Variants in MAML1 observed in about 807,000 individuals in gnomAD.
MAML1 encodes mastermind like transcriptional coactivator 1.
In MAML1, 14 loss-of-function variants were observed where a neutral mutation model predicts 77.1. The ratio of observed to expected loss-of-function variants is 0.18; its 90% CI spans 0.12 to 0.28. The LOEUF is 0.28. Ranked by LOEUF, MAML1 falls within the 10% of genes least tolerant of loss-of-function variation. The pLI is 1.00. For synonymous variants in MAML1, 516 were observed against 551.9 expected (o/e 0.93, Z 0.91); for missense variants, 1,217 against 1,327.8 (o/e 0.92, Z 1.30).
chr5:179,772,663 G>T (rs1756028378), intron 4 of MAML1, among the ~76,000 whole-genome samples: 1 of 152,138 alleles, frequency 6.6e-6, no homozygotes. Flanking sequence ...TGAAGATCTG[G>T]TAATTTCCTG....
rs979409818 is a variant in MAML1 at position 179,776,008 on chromosome 5, T to C, written c.*1131T>C. 30 of 985,718 alleles carry C rather than the reference T, an allele frequency of 3.0e-5. No individual in the cohort carries two copies. The highest frequency in any genetic ancestry group is 3.5e-5 in the Non-Finnish European group (29 of 829,950). 61.1% of individuals were successfully genotyped at this position (985,718 alleles called of 1,614,324 possible). ...TCCCATGTCAGATGACTTGCACTTC[T>C]TAAAGAGATTGCTTTATAACACTAA... On this transcript the variant is annotated 3_prime_UTR_variant, in exon 5 of 5. Coordinates refer to ENST00000292599, the MANE Select transcript of MAML1 (RefSeq NM_014757.5).
At chr5:179,752,412 TACTG>T (rs1779512743) in intron 1 of MAML1, among the ~76,000 whole-genome samples, 2 of 142,306 alleles carry the variant, frequency 1.4e-5, no homozygotes, top group Non-Finnish European at 3.0e-5. Flanking sequence ...TCTCAAAAAA[TACTG>T]ATTATATGTT....
At chr5:179,772,284 C>A (rs947509932) in intron 4 of MAML1, among the ~76,000 whole-genome samples, 1 of 151,960 alleles carries the variant, frequency 6.6e-6, no homozygotes, top group African/African-American at 2.4e-5. Flanking sequence ...ACGCCCGGCT[C>A]ATTTTTGTAT....
rs561063745 is a variant in MAML1 at position 179,750,931 on chromosome 5, G to A, written c.316-14395G>A. 1.3e-3 allele frequency among the ~76,000 whole-genome samples: 199 copies of A among 152,186 alleles called. 2 individuals carry two copies. The highest frequency in any genetic ancestry group is 4.5e-3 in the African/African-American group (186 of 41,550). On this transcript the variant is annotated intron_variant, in intron 1 of 4. Transcript: ENST00000292599. ...CTGCTGGGCCCAGGCGGCAGGTCCC[G>A]GGGGCTTCCCTTATCTTCAGTGCTG...
At chr5:179,734,784 C>G (rs892160675) in intron 1 of MAML1, among the ~76,000 whole-genome samples, 1 of 152,172 alleles carries the variant, frequency 6.6e-6, no homozygotes, top group Non-Finnish European at 1.5e-5. Context: ...CCTCAGCCTC[C>G]TGAGTAACTG....
At position 179,777,042 on chromosome 5, in the gene MAML1, A is replaced by G. The variant is rs1756149329; in HGVS notation, c.*2165A>G. 2.0e-6 allele frequency: 2 copies of G among 983,522 alleles called. No individual in the cohort carries two copies. The highest frequency in any genetic ancestry group is 1.2e-6 in the Non-Finnish European group (1 of 827,772). 60.9% of individuals were successfully genotyped at this position (983,522 alleles called of 1,614,324 possible). A position where few individuals can be genotyped will look rare whatever the true frequency, so the allele number is the denominator to read the frequency against. ...AATAAGCGCTAGAGCTTCCAACTGTATATTTTTTACTTTTATAGATTTTAA... is the reference window on the plus strand; with the variant it reads ...AATAAGCGCTAGAGCTTCCAACTGTGTATTTTTTACTTTTATAGATTTTAA... On this transcript the variant is annotated 3_prime_UTR_variant, in exon 5 of 5. Transcript: ENST00000292599.
At position 179,774,623 on chromosome 5, in the gene MAML1, C is replaced by G; in HGVS notation, c.2797C>G (p.Pro933Ala). Residue 933 changes from proline (P) to alanine (A), a missense_variant, in exon 5 of 5, where the codon CCA becomes GCA. This residue lies in a region of MAML1 where 884 missense variants were observed against 949.3 expected (regional missense o/e 0.93). Coordinates refer to ENST00000292599, the MANE Select transcript of MAML1 (RefSeq NM_014757.5). ...TCAGCAGGGCTTGCCTGGCCTGAGC[C>G]CAGCAGGGCCTGAGCTGGGGGCCTT... ...APQQGLPGLS[P>A]AGPELGAFSQ... 6.2e-7 allele frequency: 1 copy of G among 1,611,860 alleles called. No individual in the cohort carries two copies. The highest frequency in any genetic ancestry group is 8.5e-7 in the Non-Finnish European group (1 of 1,179,594).
At chr5:179,768,272 C>T (rs1430649177) in intron 2 of MAML1, among the ~76,000 whole-genome samples, 1 of 152,064 alleles carries the variant, frequency 6.6e-6, no homozygotes, top group African/African-American at 2.4e-5. Flanking sequence ...GCGTGACCAA[C>T]ATGGAGAAAC....
chr5:179,744,322 A>C (rs968361349), intron 1 of MAML1, among the ~76,000 whole-genome samples: 1 of 151,708 alleles, frequency 6.6e-6, no homozygotes. Flanking sequence ...AGTAGCTGGG[A>C]TTACAGGCAC....
At chr5:179,755,888 C>A (rs1271206418) in intron 1 of MAML1, among the ~76,000 whole-genome samples, 1 of 151,746 alleles carries the variant, frequency 6.6e-6, no homozygotes, top group Non-Finnish European at 1.5e-5. Flanking sequence ...CTTCAGCCTC[C>A]CGAGTAGCTG....
In MAML1 at chr5:179,752,342, A is replaced by ATATATATATAT. The variant is rs1351079259; in HGVS notation, c.316-12984_316-12983insTATATATATAT. 4.2e-3 allele frequency among the ~76,000 whole-genome samples: 360 copies of ATATATATATAT among 86,450 alleles called. 9 individuals are homozygous for ATATATATATAT. Among genetic ancestry groups the ATATATATATAT allele is most frequent in the East Asian group, 0.034 (99 of 2,932 alleles). 56.7% of individuals were successfully genotyped at this position (86,450 alleles called of 152,430 possible). On this transcript the variant is annotated intron_variant, in intron 1 of 4. Coordinates refer to ENST00000292599, the MANE Select transcript of MAML1 (RefSeq NM_014757.5). ...TCTGTCTCCAAAAAAAAAAAAAAAA[A>ATATATATATAT]AAAAAAAAATATATATATATATATG...
chr5:179,762,671 T>C (rs1469956869), intron 1 of MAML1, among the ~76,000 whole-genome samples: 1 of 152,266 alleles, frequency 6.6e-6, no homozygotes, highest in African/African-American at 2.4e-5. Context: ...CTTCTGTGTC[T>C]GTTCTTACAT....
rs534973733 is a variant in MAML1 at position 179,733,005 on chromosome 5, A to G, written c.-108A>G. On this transcript the variant is annotated 5_prime_UTR_variant, in exon 1 of 5. The change abolishes an upstream ATG in the 5' untranslated region. Transcript: ENST00000292599. Reference sequence around the variant, plus strand: ...AGCCCGCTCCGCTGCCCTCGGGGGCATGGCGCGGCCGTGAGGCGGAGAGGG... The same window carrying G: ...AGCCCGCTCCGCTGCCCTCGGGGGCGTGGCGCGGCCGTGAGGCGGAGAGGG... 4.8e-6 allele frequency: 3 copies of G among 626,446 alleles called. No individual in the cohort carries two copies. The highest frequency in any genetic ancestry group is 2.0e-5 in the African/African-American group (1 of 51,034). 38.8% of individuals were successfully genotyped at this position (626,446 alleles called of 1,614,324 possible).
At chr5:179,757,726 G>A (rs1445889048) in intron 1 of MAML1, among the ~76,000 whole-genome samples, 1 of 152,178 alleles carries the variant, frequency 6.6e-6, no homozygotes, top group Non-Finnish European at 1.5e-5. Flanking sequence ...GCAACCTTCT[G>A]AGCCTCACTG....
rs1756104917 is a variant in MAML1 at position 179,775,044 on chromosome 5, C to T, written c.*167C>T. On this transcript the variant is annotated 3_prime_UTR_variant, in exon 5 of 5. Coordinates refer to ENST00000292599, the MANE Select transcript of MAML1 (RefSeq NM_014757.5). ...CCCTGGGCAGGGTCTGTGGCTGCGCCCCTCAGGCCAGCAGTTGAGGTCCAT... is the reference window on the plus strand; with the variant it reads ...CCCTGGGCAGGGTCTGTGGCTGCGCTCCTCAGGCCAGCAGTTGAGGTCCAT... 1 of 1,426,426 alleles carries T rather than the reference C, an allele frequency of 7.0e-7. No individual in the cohort carries two copies. Among genetic ancestry groups the T allele is most frequent in the Admixed American group, 2.9e-5 (1 of 34,242 alleles). 88.4% of individuals were successfully genotyped at this position (1,426,426 alleles called of 1,614,324 possible).
Position 179,774,779 on chromosome 5 carries a change from A to C in MAML1, c.2953A>C (p.Ser985Arg). ...GCAGCCAGGTGGCAGTGGGCTCTCT[A>C]GTGTGGCTGGACACACCGATCTGAT... ...SGQPGGSGLSSVAGHTDLIDS... is the reference protein window; with the variant it reads ...SGQPGGSGLSRVAGHTDLIDS... The change falls in exon 5 of 5, where the codon AGT becomes CGT. Residue 985 changes from serine (S) to arginine (R), a missense_variant. Around this residue, in one of 3 missense-constraint regions of MAML1, gnomAD observed 884 missense variants for 949.3 expected, o/e 0.93. Coordinates refer to ENST00000292599, the MANE Select transcript of MAML1 (RefSeq NM_014757.5). The C allele has an allele frequency of 1.2e-6, 2 of 1,613,792 alleles. No homozygotes were observed. Among genetic ancestry groups the C allele is most frequent in the Non-Finnish European group, 1.7e-6 (2 of 1,180,022 alleles).
intron 1 of MAML1, among the ~76,000 whole-genome samples, chr5:179,735,743 A>G (rs967303032): frequency 6.6e-6 from 1 of 150,686 alleles, no homozygotes; most frequent in Non-Finnish European, 1.5e-5. Flanking sequence ...GCTGGAGTGT[A>G]GTGACATGAT....
intron 1 of MAML1, among the ~76,000 whole-genome samples, chr5:179,734,651 T>C (rs28391655): frequency 0.98 from 149,021 of 152,162 alleles, 73,048 homozygotes; most frequent in East Asian, 1. Context: ...GTTCTTTCCC[T>C]GCCCTCCCCT....
chr5:179,770,169 C>T (rs1755949032), intron 3 of MAML1, among the ~76,000 whole-genome samples: 1 of 152,210 alleles, frequency 6.6e-6, no homozygotes, highest in Non-Finnish European at 1.5e-5. Flanking sequence ...CTGCTCTGGG[C>T]TGGGCGCAGT....
Sources: allele counts gnomAD v4.1 joint callset (sites outside exome capture counted in the v4.1 genomes callset), GRCh38; gene constraint gnomAD v4.1.1; regional missense constraint gnomAD v4.1.1; transcripts MANE v1.5; gene names NCBI Gene and HGNC (gene_info 2026-07-23, HGNC 2026-07-21).